The following FAM98C variants were observed in gnomAD, a reference collection of about 807,000 sequenced individuals.
FAM98C encodes protein FAM98C.
Under a neutral mutation model 41.1 loss-of-function variants are expected in FAM98C, and 38 were observed. The ratio of observed to expected loss-of-function variants is 0.92; its 90% CI spans 0.71 to 1.21. FAM98C has a LOEUF of 1.21. Ranked by LOEUF, FAM98C falls within the 50% of genes most tolerant of loss-of-function variation. The pLI is 0.00. For synonymous variants in FAM98C, 195 were observed against 216.7 expected (o/e 0.90, Z 0.88); for missense variants, 493 against 484.7 (o/e 1.02, Z -0.16).
At chr19:38,403,507 T>C in intron 2 of FAM98C, 21 bp downstream of exon 2, 1 of 1,417,736 alleles carries the variant, frequency 7.1e-7, no homozygotes, top group Admixed American at 3.2e-5. Flanking sequence ...AGCGGGAGGG[T>C]GGCAGGGGGG....
At chr19:38,404,028 G>A (rs1971004846) in intron 3 of FAM98C, among the ~76,000 whole-genome samples, 1 of 152,076 alleles carries the variant, frequency 6.6e-6, no homozygotes, top group Non-Finnish European at 1.5e-5. Context: ...AGCCTCCCGA[G>A]TAGCTGGGAT....
Position 38,405,472 on chromosome 19 carries a change from G to A in FAM98C, c.634-47G>A, listed in dbSNP as rs1274704831. 5 of 1,613,824 alleles carry A rather than the reference G, an allele frequency of 3.1e-6. No homozygotes were observed. The South Asian group carries it at 5.5e-5, about 18-fold the overall frequency. On this transcript the variant is annotated intron_variant, in intron 5 of 7. Coordinates refer to ENST00000252530, the MANE Select transcript of FAM98C (RefSeq NM_174905.4). ...TGTGAACTGTGTCCTCATCAGAGGT[G>A]GCAGTGAGAGGGACCCCTAGCCTGA... is the stretch of plus-strand genomic sequence containing the variant.
Position 38,407,080 on chromosome 19 carries a change from G to T in FAM98C, c.918+3G>T. 6.2e-7 allele frequency: 1 copy of T among 1,612,248 alleles called. No individual in the cohort carries two copies. Among genetic ancestry groups the T allele is most frequent in the Non-Finnish European group, 8.5e-7 (1 of 1,178,746 alleles). On this transcript the variant is annotated splice_donor_region_variant and intron_variant, in intron 7 of 7. Transcript: ENST00000252530. ...GGACCTGCTGTGCCATCAACAAGGT[G>T]GGCATCTGGGGTAGGGAAGGGCCCT...
intron 6 of FAM98C, chr19:38,406,431 G>C (rs531109272): frequency 6.5e-6 from 1 of 154,258 alleles, no homozygotes; most frequent in East Asian, 1.9e-4. Flanking sequence ...CAAGGTTCTG[G>C]GATTGCAGGC....
In FAM98C at chr19:38,405,704, G is replaced by A. The variant is rs148104841; in HGVS notation, c.750+69G>A. 211 of 1,444,954 alleles carry A rather than the reference G, an allele frequency of 1.5e-4. No individual in the cohort carries two copies. The African/African-American group carries it at 2.6e-3, about 18-fold the overall frequency. 89.5% of individuals were successfully genotyped at this position (1,444,954 alleles called of 1,614,324 possible). Reference sequence around the variant, plus strand: ...GTGGGGGCTGCAGTTGCAGGGAGGAGGAATGAGGGCCAGGAGTATCACCCT... The same window carrying A: ...GTGGGGGCTGCAGTTGCAGGGAGGAAGAATGAGGGCCAGGAGTATCACCCT... On this transcript the variant is annotated intron_variant, in intron 6 of 7. Transcript: ENST00000252530.
At chr19:38,408,617 C>T in intron 7 of FAM98C, 134 bp from the exon 8 acceptor site, 1 of 1,148,512 alleles carries the variant, frequency 8.7e-7, no homozygotes, top group Non-Finnish European at 1.3e-6. Context: ...TTCAGTCCCC[C>T]CTCCCCCAGC....
In FAM98C at chr19:38,403,700, T is replaced by A; in HGVS notation, c.349+6T>A. The A allele has an allele frequency of 7.1e-7, 1 of 1,403,610 alleles. No homozygotes were observed. The highest frequency in any genetic ancestry group is 9.2e-7 in the Non-Finnish European group (1 of 1,088,396). 86.9% of individuals were successfully genotyped at this position (1,403,610 alleles called of 1,614,324 possible). Reference sequence around the variant, plus strand: ...TGCCGGACTGCGCCTGCTGCGTGAGTCCCGGGATGCAGAAGTGGCAAGGCC... The same window carrying A: ...TGCCGGACTGCGCCTGCTGCGTGAGACCCGGGATGCAGAAGTGGCAAGGCC... On this transcript the variant is annotated splice_donor_region_variant and intron_variant, in intron 3 of 7. Transcript: ENST00000252530.
Position 38,409,030 on chromosome 19 carries a change from A to G in FAM98C, c.*148A>G. ...CTGAGTCCCCAAATGCCCTGCTCCC[A>G]TTCACGTCAATACCAAGAACCATGT... On this transcript the variant is annotated 3_prime_UTR_variant, in exon 8 of 8. Transcript: ENST00000252530. 2.9e-6 allele frequency: 2 copies of G among 698,870 alleles called. No homozygotes were observed. Among genetic ancestry groups the G allele is most frequent in the Non-Finnish European group, 4.4e-6 (2 of 453,060 alleles). The allele number at this position is 698,870 out of a possible 1,614,324, so 43.3% of individuals were successfully genotyped here.
In FAM98C at chr19:38,405,368, C is replaced by T. The variant is rs1971024027; in HGVS notation, c.580C>T (p.Pro194Ser). The change falls in exon 5 of 8, where the codon CCC becomes TCC. Residue 194 changes from proline to serine, a missense_variant. By Grantham distance (74) the Pro-to-Ser change is moderately conservative. Coordinates refer to ENST00000252530, the MANE Select transcript of FAM98C (RefSeq NM_174905.4). The stretch of plus-strand genomic sequence containing the variant: ...GATCTCAGAGCTGCAGCCTTCTCTG[C>T]CCCCAGGGTCCCTGCAGCCCCTCCT... ...AKISELQPSL[P>S]PGSLQPLLSC... 6.2e-7 allele frequency: 1 copy of T among 1,613,978 alleles called. No individual in the cohort carries two copies. The highest frequency in any genetic ancestry group is 8.5e-7 in the Non-Finnish European group (1 of 1,179,990).
chr19:38,405,709 G>T (rs1163488407), intron 6 of FAM98C, 74 bp downstream of exon 6: 2 of 1,385,004 alleles, frequency 1.4e-6, no homozygotes, highest in Non-Finnish European at 2.1e-6. Context: ...GAGGAGGAAT[G>T]AGGGCCAGGA....
chr19:38,406,854 G>A, intron 6 of FAM98C, 56 bp from the exon 7 acceptor site: 1 of 1,563,628 alleles, frequency 6.4e-7, no homozygotes, highest in South Asian at 1.1e-5. Context: ...CAAGATGACA[G>A]GTCCCACGTG....
Position 38,405,359 on chromosome 19 carries a change from C to T in FAM98C, c.571C>T (p.Pro191Ser). 6.2e-7 allele frequency: 1 copy of T among 1,613,996 alleles called. No individual in the cohort carries two copies. The highest frequency in any genetic ancestry group is 8.5e-7 in the Non-Finnish European group (1 of 1,179,988). ...CTCCCATCAGATCTCAGAGCTGCAG[C>T]CTTCTCTGCCCCCAGGGTCCCTGCA... ...ELHAKISELQ[P>S]SLPPGSLQPL... Residue 191 changes from proline to serine, a missense_variant, in exon 5 of 8, where the codon CCT becomes TCT. Physicochemically the swap from Pro to Ser is moderately conservative, Grantham distance 74 (BLOSUM62 -1). Transcript: ENST00000252530.
rs1367806609 is a variant in FAM98C at position 38,403,380 on chromosome 19, C to T, written c.108C>T (p.Cys36=). The T allele has an allele frequency of 6.1e-6, 9 of 1,470,716 alleles. No homozygotes were observed. Among genetic ancestry groups the T allele is most frequent in the Non-Finnish European group, 4.4e-6 (5 of 1,125,544 alleles). The allele number at this position is 1,470,716 out of a possible 1,614,324, so 91.1% of individuals were successfully genotyped here. ...GGGCGGCGTCGCGGGGCGCCTCATG[C>T]CCAGACTTCAGGGGGCTGTGCGTGC... ...VPGAASRGAS[C]PDFRGLCVRL... Residue 36 remains cysteine, a synonymous_variant, in exon 2 of 8, where the codon TGC becomes TGT. Coordinates refer to ENST00000252530, the MANE Select transcript of FAM98C (RefSeq NM_174905.4).
chr19:38,406,754 C>T (rs1353091770), intron 6 of FAM98C, 156 bp from the exon 7 acceptor site: 1 of 766,136 alleles, frequency 1.3e-6, no homozygotes, highest in Admixed American at 2.7e-5. Flanking sequence ...CACCACACTC[C>T]AGGCTGGGTG....
chr19:38,406,263 GT>G lies in FAM98C; in HGVS notation c.750+629del, dbSNP rs1386683651. ...CGCAACCTCCGCCTCCTGGGTTCAA[GT>G]GATTTTCTTGCCTCAGCCTCCCGAG... On this transcript the variant is annotated intron_variant, in intron 6 of 7. Transcript: ENST00000252530. 2.0e-5 allele frequency: 3 copies of G among 152,756 alleles called. No homozygotes were observed. In the East Asian group the frequency reaches 5.8e-4, roughly 30 times the overall value. The allele number at this position is 152,756 out of a possible 1,614,324, so 9.5% of individuals were successfully genotyped here. A position where few individuals can be genotyped will look rare whatever the true frequency, so the allele number is the denominator to read the frequency against.
intron 1 of FAM98C, 38 bp downstream of exon 1, chr19:38,403,256 G>C: frequency 1.3e-6 from 2 of 1,548,480 alleles, no homozygotes; most frequent in East Asian, 2.6e-5. Context: ...GGTGCAGGAA[G>C]GCCAGGTCTG....
At chr19:38,405,271 G>C (rs564852306) in intron 4 of FAM98C, 73 bp from the exon 5 acceptor site, 2 of 1,560,974 alleles carry the variant, frequency 1.3e-6, no homozygotes. Context: ...GTCCTCAGGG[G>C]TGTGGGGAGC....
Position 38,405,096 on chromosome 19 carries a change from C to G in FAM98C, c.538C>G (p.Gln180Glu). The G allele has an allele frequency of 6.2e-7, 1 of 1,611,036 alleles. No homozygotes were observed. Among genetic ancestry groups the G allele is most frequent in the Non-Finnish European group, 8.5e-7 (1 of 1,177,934 alleles). The stretch of plus-strand genomic sequence containing the variant: ...AGGGACCCCCGCCAGCCAGCTGCTG[C>G]AGGAGTTGCATGCTAAGGTAGAGAG... ...APGTPASQLL[Q>E]ELHAKISELQ... Residue 180 changes from glutamine (Q) to glutamate (E), a missense_variant, in exon 4 of 8, where the codon CAG (glutamine) becomes GAG (glutamate). Gln to Glu is a conservative substitution (Grantham distance 29, BLOSUM62 2). Coordinates refer to ENST00000252530, the MANE Select transcript of FAM98C (RefSeq NM_174905.4).
intron 4 of FAM98C, 109 bp from the exon 5 acceptor site, chr19:38,405,235 C>T: frequency 2.0e-6 from 3 of 1,499,042 alleles, no homozygotes; most frequent in African/African-American, 1.4e-5. Context: ...GGAGCTGTGA[C>T]TGGCATTCTC....
Sources: allele counts gnomAD v4.1 joint callset (sites outside exome capture counted in the v4.1 genomes callset), GRCh38; gene constraint gnomAD v4.1.1; transcripts MANE v1.5; gene names NCBI Gene and HGNC (gene_info 2026-07-23, HGNC 2026-07-21).